GABRA5: variants seen among roughly 807,000 people sequenced by gnomAD.
The protein encoded by GABRA5 is gamma-aminobutyric acid receptor subunit alpha-5.
A neutral mutation model predicts 47.3 loss-of-function variants in GABRA5; 18 were observed. The observed-to-expected ratio is 0.38, with a 90% confidence interval of 0.26 to 0.56. The LOEUF (loss-of-function observed/expected upper bound fraction) is 0.56. GABRA5 is among the 20% of genes least tolerant of loss of function. The probability of loss-of-function intolerance (pLI) is 0.71; values close to 1 mark genes in which losing one functional copy is unlikely to be tolerated. For synonymous variants in GABRA5, 237 were observed against 229.3 expected (o/e 1.03, Z -0.30); for missense variants, 365 against 599.3 (o/e 0.61, Z 4.08).
At chr15:26,881,965 G>T (rs557915471) in intron 4 of GABRA5, among the ~76,000 whole-genome samples, 1 of 152,302 alleles carries the variant, frequency 6.6e-6, no homozygotes, top group South Asian at 2.1e-4. Context: ...CTCCCAAAGT[G>T]CTGGGATTAC....
In GABRA5 at chr15:26,948,834, A is replaced by G. The variant is rs532969426; in HGVS notation, c.*601A>G. On this transcript the variant is annotated 3_prime_UTR_variant, in exon 11 of 11. Transcript: ENST00000335625. ...GGCAGATTAATAACAGAAATACATC[A>G]TATGTTAGATACACAAAATATTTCC... The G allele has an allele frequency of 6.6e-6, 1 of 152,416 alleles. No homozygotes were observed. The highest frequency in any genetic ancestry group is 1.9e-4 in the East Asian group (1 of 5,182). 9.4% of individuals were successfully genotyped at this position (152,416 alleles called of 1,614,324 possible). A position where few individuals can be genotyped will look rare whatever the true frequency, so the allele number is the denominator to read the frequency against.
intron 6 of GABRA5, among the ~76,000 whole-genome samples, chr15:26,904,129 A>C: frequency 6.6e-6 from 1 of 152,250 alleles, no homozygotes; most frequent in South Asian, 2.1e-4. Context: ...ATCCATCTTT[A>C]ATATACTTTT....
At chr15:26,881,805 T>C (rs1892735407) in intron 4 of GABRA5, among the ~76,000 whole-genome samples, 1 of 152,176 alleles carries the variant, frequency 6.6e-6, no homozygotes, top group Admixed American at 6.5e-5. Context: ...GTTTAAGTGA[T>C]TCTCCTGCCT....
intron 7 of GABRA5, among the ~76,000 whole-genome samples, chr15:26,927,423 T>C (rs905356231): frequency 6.6e-6 from 1 of 152,186 alleles, no homozygotes; most frequent in African/African-American, 2.4e-5. Context: ...ATCTGCCTGC[T>C]ATTGAGATTG....
At chr15:26,926,905 A>G (rs1893974049) in intron 7 of GABRA5, among the ~76,000 whole-genome samples, 1 of 152,190 alleles carries the variant, frequency 6.6e-6, no homozygotes, top group African/African-American at 2.4e-5. Flanking sequence ...TTTCATCTTT[A>G]ACAATGAACC....
chr15:26,926,806 A>G (rs545809414), intron 7 of GABRA5, among the ~76,000 whole-genome samples: 1 of 152,336 alleles, frequency 6.6e-6, no homozygotes, highest in South Asian at 2.1e-4. Flanking sequence ...CGTGATACCC[A>G]GATGTAATGC....
At chr15:26,923,411 G>C (rs1465895516) in intron 7 of GABRA5, among the ~76,000 whole-genome samples, 1 of 152,106 alleles carries the variant, frequency 6.6e-6, no homozygotes, top group Non-Finnish European at 1.5e-5. Flanking sequence ...TGAAAAATGT[G>C]CCACTTCCTT....
Position 26,929,602 on chromosome 15 carries a change from G to A in GABRA5, c.581-7583G>A, listed in dbSNP as rs533332610. ...GCTGTGCTTGGAAGCCCAGTGCTTTGAAATCTAGGTGGAGGCCATTGTGCC... is the reference window on the plus strand; with the variant it reads ...GCTGTGCTTGGAAGCCCAGTGCTTTAAAATCTAGGTGGAGGCCATTGTGCC... On this transcript the variant is annotated intron_variant, in intron 7 of 10. Transcript: ENST00000335625. Among the ~76,000 whole-genome samples, 5 of 152,354 alleles carry A rather than the reference G, an allele frequency of 3.3e-5. No individual in the cohort carries two copies. In the South Asian group the frequency reaches 1.0e-3, roughly 32 times the overall value.
chr15:26,870,743 G>C (rs1892447214), intron 3 of GABRA5, among the ~76,000 whole-genome samples: 2 of 152,160 alleles, frequency 1.3e-5, no homozygotes, highest in Non-Finnish European at 2.9e-5. Flanking sequence ...ATGTTCTTCT[G>C]AATGAAATGT....
intron 6 of GABRA5, among the ~76,000 whole-genome samples, chr15:26,890,848 G>A (rs527556873): frequency 5.1e-4 from 77 of 152,284 alleles, no homozygotes; most frequent in African/African-American, 1.8e-3. Context: ...ATAATGGAAT[G>A]TATGAGATCT....
intron 7 of GABRA5, among the ~76,000 whole-genome samples, chr15:26,926,090 A>C (rs1173943994): frequency 6.6e-6 from 1 of 152,206 alleles, no homozygotes; most frequent in Non-Finnish European, 1.5e-5. Context: ...TTCTTCAAGC[A>C]AGGGAGATGG....
At chr15:26,900,517 T>G (rs1893302198) in intron 6 of GABRA5, among the ~76,000 whole-genome samples, 1 of 152,178 alleles carries the variant, frequency 6.6e-6, no homozygotes, top group Admixed American at 6.5e-5. Context: ...ACTCCCTCAG[T>G]TTTTAAAGAA....
rs1892359544 is a variant in GABRA5 at position 26,867,895 on chromosome 15, C to T, written c.-140+784C>T. Reference sequence around the variant, plus strand: ...CTCCCAGCCCAGGAGGAAGGCGCTGCCTGGCGGAGCGCTTGGCTCGTACCC... The same window carrying T: ...CTCCCAGCCCAGGAGGAAGGCGCTGTCTGGCGGAGCGCTTGGCTCGTACCC... On this transcript the variant is annotated intron_variant, in intron 1 of 10. Coordinates refer to ENST00000335625, the MANE Select transcript of GABRA5 (RefSeq NM_000810.4). The surrounding 1 kb of genome is among the most constrained non-coding windows in gnomAD (Gnocchi z 5.9). The T allele has an allele frequency of 6.6e-6, 1 of 152,090 alleles. No individual in the cohort carries two copies. Among genetic ancestry groups the T allele is most frequent in the African/African-American group, 2.4e-5 (1 of 41,432 alleles). 9.4% of individuals were successfully genotyped at this position (152,090 alleles called of 1,614,324 possible). A position where few individuals can be genotyped will look rare whatever the true frequency, so the allele number is the denominator to read the frequency against.
chr15:26,939,829 C>G lies in GABRA5; in HGVS notation c.725-96C>G, dbSNP rs895961298. The G allele has an allele frequency of 4.0e-6, 5 of 1,255,110 alleles. No individual in the cohort carries two copies. The Admixed American group carries it at 7.1e-5, about 18-fold the overall frequency. The allele number at this position is 1,255,110 out of a possible 1,614,324, so 77.7% of individuals were successfully genotyped here. On this transcript the variant is annotated intron_variant, in intron 8 of 10. Transcript: ENST00000335625. ...CATACAAATGAATGCTTGTCCAAAC[C>G]GACAGGGGAGTGGAAGGGAGGCTCC... is the stretch of plus-strand genomic sequence containing the variant.
chr15:26,927,644 A>T (rs1566882698), intron 7 of GABRA5, among the ~76,000 whole-genome samples: 2 of 152,208 alleles, frequency 1.3e-5, no homozygotes, highest in African/African-American at 4.8e-5. Context: ...GCTATTCAAC[A>T]AAGTTTTTTT....
At chr15:26,886,866 T>A (rs1327255531) in intron 6 of GABRA5, among the ~76,000 whole-genome samples, 2 of 152,214 alleles carry the variant, frequency 1.3e-5, no homozygotes, top group African/African-American at 4.8e-5. Flanking sequence ...GTGGAAATAG[T>A]TCCACTTCCA....
At position 26,883,042 on chromosome 15, in the gene GABRA5, C is replaced by G. The variant is rs2140255365; in HGVS notation, c.209-124C>G. The G allele has an allele frequency of 5.2e-6, 4 of 774,110 alleles. No individual in the cohort carries two copies. Among genetic ancestry groups the G allele is most frequent in the East Asian group, 2.5e-5 (1 of 39,472 alleles). The allele number at this position is 774,110 out of a possible 1,614,324, so 48.0% of individuals were successfully genotyped here. A position where few individuals can be genotyped will look rare whatever the true frequency, so the allele number is the denominator to read the frequency against. On this transcript the variant is annotated intron_variant, in intron 4 of 10. Coordinates refer to ENST00000335625, the MANE Select transcript of GABRA5 (RefSeq NM_000810.4). This position sits in a 1 kb window ranked among gnomAD's most constrained non-coding sequence, Gnocchi z 4.8. ...GTAATTGTCAAGTCCTCCAAATTTA[C>G]CAAACGCACTGCAAAAGCCCCCGGT... is the stretch of plus-strand genomic sequence containing the variant.
intron 6 of GABRA5, among the ~76,000 whole-genome samples, chr15:26,904,798 T>G (rs563416340): frequency 6.6e-6 from 1 of 152,304 alleles, no homozygotes. Flanking sequence ...TGCTACTGAT[T>G]TTTTATATTG....
chr15:26,870,978 G>A (rs967259531), intron 3 of GABRA5, among the ~76,000 whole-genome samples: 3 of 152,190 alleles, frequency 2.0e-5, no homozygotes, highest in Admixed American at 1.3e-4. Context: ...CGGATCGCCT[G>A]AGGTCAGGAG....
Sources: gnomAD v4.1 joint callset for allele counts (sites outside exome capture counted in the v4.1 genomes callset) on GRCh38, gnomAD v4.1.1 for gene constraint, Gnocchi (gnomAD v3.1) non-coding constraint, MANE v1.5 for transcripts, NCBI Gene and HGNC (gene_info 2026-07-23, HGNC 2026-07-21) for gene names.